KIAA0825: variants seen among roughly 807,000 people sequenced by gnomAD.
KIAA0825 encodes KIAA0825.
KIAA0825 carries 119 observed loss-of-function variants against 147.6 expected under a neutral mutation model. The observed-to-expected ratio is 0.81, with a 90% confidence interval of 0.69 to 0.94. The LOEUF is 0.94. Among genes scored for constraint, KIAA0825 ranks in the 40% least tolerant of loss-of-function variants. The pLI is 0.00. For missense variants in KIAA0825, 1,381 were observed against 1,472.7 expected (o/e 0.94, Z 1.02); for synonymous variants, 470 against 518.1 (o/e 0.91, Z 1.26).
intron 20 of KIAA0825, among the ~76,000 whole-genome samples, chr5:94,323,485 G>C (rs1277814735): frequency 6.7e-6 from 1 of 150,362 alleles, no homozygotes; most frequent in Non-Finnish European, 1.5e-5. Context: ...ATTCAAGAGA[G>C]CAACGGACAT....
intron 20 of KIAA0825, among the ~76,000 whole-genome samples, chr5:94,287,455 A>G (rs1429793665): frequency 6.6e-6 from 1 of 152,206 alleles, no homozygotes; most frequent in Non-Finnish European, 1.5e-5. Context: ...TACTTCAGCC[A>G]CTATATTTTC....
chr5:94,323,224 G>T (rs1031311739), intron 20 of KIAA0825, among the ~76,000 whole-genome samples: 14 of 151,604 alleles, frequency 9.2e-5, no homozygotes, highest in African/African-American at 3.4e-4. Context: ...GATGCCATCT[G>T]GTTCATGTAC....
At chr5:94,231,885 C>G (rs116384761) in intron 20 of KIAA0825, among the ~76,000 whole-genome samples, 2,281 of 152,182 alleles carry the variant, frequency 0.015, 27 homozygotes, top group South Asian at 0.038. Context: ...TGTGTTAACA[C>G]TTGTGTATCT....
intron 14 of KIAA0825, 25 bp from the exon 15 acceptor site, chr5:94,417,390 A>C: frequency 6.5e-7 from 1 of 1,528,350 alleles, no homozygotes; most frequent in East Asian, 2.5e-5. Flanking sequence ...TCTTGAAAGG[A>C]ATCAAAATGA....
At chr5:94,191,659 A>T (rs1770689674) in intron 20 of KIAA0825, among the ~76,000 whole-genome samples, 1 of 152,262 alleles carries the variant, frequency 6.6e-6, no homozygotes, top group Middle Eastern at 3.2e-3. Flanking sequence ...AAGTTTTTGT[A>T]AGAATTAAAG....
At chr5:94,350,052 A>G (rs564520666) in intron 20 of KIAA0825, among the ~76,000 whole-genome samples, 1 of 152,338 alleles carries the variant, frequency 6.6e-6, no homozygotes, top group African/African-American at 2.4e-5. Context: ...CAAGAAAAGA[A>G]GAGAGAAAAT....
intron 20 of KIAA0825, among the ~76,000 whole-genome samples, chr5:94,380,660 T>C (rs1223364685): frequency 1.3e-5 from 2 of 152,038 alleles, no homozygotes; most frequent in Admixed American, 6.6e-5. Context: ...AATAGAAAAG[T>C]CTCCTCAGGA....
intron 20 of KIAA0825, among the ~76,000 whole-genome samples, chr5:94,309,705 T>C (rs553138858): frequency 6.6e-6 from 1 of 151,704 alleles, no homozygotes; most frequent in African/African-American, 2.4e-5. Context: ...GAAGATGCTA[T>C]GCAGTTGCCC....
intron 2 of KIAA0825, among the ~76,000 whole-genome samples, chr5:94,571,513 T>C (rs1307324458): frequency 1.3e-5 from 2 of 152,206 alleles, no homozygotes; most frequent in East Asian, 3.8e-4. Context: ...ATAAAAGAAA[T>C]TAATTCAGAA....
At chr5:94,479,269 C>T (rs1317400888) in intron 6 of KIAA0825, among the ~76,000 whole-genome samples, 1 of 152,050 alleles carries the variant, frequency 6.6e-6, no homozygotes, top group Non-Finnish European at 1.5e-5. Context: ...CCCATAACCC[C>T]ACCCTGGTAC....
chr5:94,326,784 C>CT (rs1430066719), intron 20 of KIAA0825, among the ~76,000 whole-genome samples: 1 of 152,174 alleles, frequency 6.6e-6, no homozygotes, highest in East Asian at 1.9e-4. Context: ...TTTTCCAAAT[C>CT]TATCGGTACT....
rs553784495 is a variant in KIAA0825 at position 94,448,036 on chromosome 5, G to A, written c.2357+4923C>T. Reference sequence around the variant, plus strand: ...GAGGTAAGTTTAGAAAATGATAAGAGGCATTATAATGCAACATATTATAAT... The same window carrying A: ...GAGGTAAGTTTAGAAAATGATAAGAAGCATTATAATGCAACATATTATAAT... On this transcript the variant is annotated intron_variant, in intron 13 of 20. Coordinates refer to ENST00000682413, the MANE Select transcript of KIAA0825 (RefSeq NM_001145678.3). Among the ~76,000 whole-genome samples the A allele has an allele frequency of 3.6e-4, 54 of 151,748 alleles. 1 individual carries two copies. Among genetic ancestry groups the A allele is most frequent in the African/African-American group, 9.9e-4 (41 of 41,414 alleles).
chr5:94,214,573 T>G (rs931587910), intron 20 of KIAA0825, among the ~76,000 whole-genome samples: 2 of 152,156 alleles, frequency 1.3e-5, no homozygotes, highest in African/African-American at 4.8e-5. Flanking sequence ...TCTGGGAAAC[T>G]CCTCGGTCCT....
At chr5:94,534,354 TA>T (rs1317629374) in intron 3 of KIAA0825, among the ~76,000 whole-genome samples, 21 of 152,164 alleles carry the variant, frequency 1.4e-4, no homozygotes, top group African/African-American at 5.1e-4. Flanking sequence ...TATTTTATTT[TA>T]AAAAATATAT....
rs1766497047 is a variant in KIAA0825 at position 94,151,486 on chromosome 5, T to C, written c.*2521A>G. On this transcript the variant is annotated 3_prime_UTR_variant, in exon 21 of 21. Coordinates refer to ENST00000682413, the MANE Select transcript of KIAA0825 (RefSeq NM_001145678.3). Reference sequence around the variant, plus strand: ...TATAAAGTCAAAATAATCTGATAAATCAATGACTTGTCACCTAATACTCTC... The same window carrying C: ...TATAAAGTCAAAATAATCTGATAAACCAATGACTTGTCACCTAATACTCTC... Among the ~76,000 whole-genome samples the C allele has an allele frequency of 8.2e-6, 1 of 121,302 alleles. No individual in the cohort carries two copies. Among genetic ancestry groups the C allele is most frequent in the African/African-American group, 3.1e-5 (1 of 32,436 alleles). The allele number at this position is 121,302 out of a possible 152,430, so 79.6% of individuals were successfully genotyped here. A position where few individuals can be genotyped will look rare whatever the true frequency, so the allele number is the denominator to read the frequency against.
intron 20 of KIAA0825, among the ~76,000 whole-genome samples, chr5:94,158,774 A>G (rs1456800719): frequency 6.6e-6 from 1 of 152,220 alleles, no homozygotes; most frequent in African/African-American, 2.4e-5. Context: ...ACAGTGCCTC[A>G]GTTTCCTTAT....
chr5:94,454,687 T>C (rs1758862769), intron 12 of KIAA0825, among the ~76,000 whole-genome samples: 1 of 152,106 alleles, frequency 6.6e-6, no homozygotes, highest in Admixed American at 6.6e-5. Context: ...GAAGAGTGTA[T>C]AGCATGGGAT....
At chr5:94,567,625 C>T (rs1348159106) in intron 2 of KIAA0825, 4 of 152,266 alleles carry the variant, frequency 2.6e-5, no homozygotes, top group Admixed American at 6.5e-5. Flanking sequence ...CAGATGCCAA[C>T]ACAGCAGCCA....
chr5:94,475,998 T>A (rs973686096), intron 7 of KIAA0825, among the ~76,000 whole-genome samples: 3 of 152,230 alleles, frequency 2.0e-5, no homozygotes, highest in African/African-American at 7.2e-5. Flanking sequence ...CAGAATCACA[T>A]GGTTTTCTCT....
Sources: gnomAD v4.1 joint callset for allele counts (sites outside exome capture counted in the v4.1 genomes callset) on GRCh38, gnomAD v4.1.1 for gene constraint, MANE v1.5 for transcripts, NCBI Gene and HGNC (gene_info 2026-07-23, HGNC 2026-07-21) for gene names.